The following SLC13A5 variants were observed in gnomAD, a reference collection of about 807,000 sequenced individuals.
The protein encoded by SLC13A5 is solute carrier family 13 member 5.
SLC13A5 carries 25 observed loss-of-function variants against 56.5 expected under a neutral mutation model. That is an observed-to-expected ratio of 0.44 (90% CI 0.32 to 0.62). The LOEUF is 0.62. SLC13A5 is among the 20% of genes least tolerant of loss of function. SLC13A5 has a pLI of 0.04. For synonymous variants in SLC13A5, 307 were observed against 301.5 expected (o/e 1.02, Z -0.19); for missense variants, 649 against 737.8 (o/e 0.88, Z 1.39).
intron 3 of SLC13A5, among the ~76,000 whole-genome samples, chr17:6,705,885 A>G (rs1354979167): frequency 6.6e-6 from 1 of 152,200 alleles, no homozygotes; most frequent in East Asian, 1.9e-4. Flanking sequence ...GCTGGGTCCA[A>G]TCCCCGTGTG....
Position 6,685,894 on chromosome 17 carries a change from G to A in SLC13A5, c.*313C>T. The A allele has an allele frequency of 2.8e-6, 1 of 356,196 alleles. No homozygotes were observed. The highest frequency in any genetic ancestry group is 5.6e-5 in the East Asian group (1 of 17,962). The allele number at this position is 356,196 out of a possible 1,614,324, so 22.1% of individuals were successfully genotyped here. A position where few individuals can be genotyped will look rare whatever the true frequency, so the allele number is the denominator to read the frequency against. ...TGTGGGGGATGCTTGAGGCAGAGCG[G>A]GTACAGCAGCCTGCATCCTGATCCC... is the stretch of plus-strand genomic sequence containing the variant. On this transcript the variant is annotated 3_prime_UTR_variant, in exon 12 of 12. Coordinates refer to ENST00000433363, the MANE Select transcript of SLC13A5 (RefSeq NM_177550.5). The surrounding 1 kb of genome is among the most constrained non-coding windows in gnomAD (Gnocchi z 4.2).
intron 11 of SLC13A5, chr17:6,686,853 CT>C (rs936713979): frequency 2.1e-4 from 32 of 156,032 alleles, no homozygotes; most frequent in African/African-American, 4.6e-4. Context: ...TGGGACCCAC[CT>C]TTTTTTTTGA....
intron 3 of SLC13A5, chr17:6,704,969 A>C (rs1003732285): frequency 6.6e-6 from 1 of 152,314 alleles, no homozygotes; most frequent in African/African-American, 2.4e-5. Flanking sequence ...TACATGCCCC[A>C]GCTGTCCAAG....
chr17:6,700,971 G>A (rs778434356), intron 6 of SLC13A5, 33 bp downstream of exon 6: 10 of 1,612,890 alleles, frequency 6.2e-6, no homozygotes, highest in Non-Finnish European at 8.5e-6. Flanking sequence ...GGCATAATTA[G>A]GCATAATTAG....
rs540607830 is a variant in SLC13A5 at position 6,692,925 on chromosome 17, T to C, written c.1275+119A>G. The C allele has an allele frequency of 6.1e-5, 47 of 770,022 alleles. No individual in the cohort carries two copies. In the African/African-American group the frequency reaches 7.9e-4, roughly 13 times the overall value. The allele number at this position is 770,022 out of a possible 1,614,324, so 47.7% of individuals were successfully genotyped here. A position where few individuals can be genotyped will look rare whatever the true frequency, so the allele number is the denominator to read the frequency against. ...ACAGAGTCCATGTCCTCAAGGAATG[T>C]GCGGTTATACGAAGGATGCAGGCAC... On this transcript the variant is annotated intron_variant, in intron 9 of 11. Coordinates refer to ENST00000433363, the MANE Select transcript of SLC13A5 (RefSeq NM_177550.5). This position sits in a 1 kb window ranked among gnomAD's most constrained non-coding sequence, Gnocchi z 5.5.
At chr17:6,710,068 T>C (rs1166730264) in intron 1 of SLC13A5, among the ~76,000 whole-genome samples, 2 of 152,144 alleles carry the variant, frequency 1.3e-5, no homozygotes, top group African/African-American at 4.8e-5. Flanking sequence ...AACAGCAGCG[T>C]GACTGGAAGC....
In SLC13A5 at chr17:6,701,239, C is replaced by G. The variant is rs1384985399; in HGVS notation, c.717-113G>C. 3 of 1,438,474 alleles carry G rather than the reference C, an allele frequency of 2.1e-6. No individual in the cohort carries two copies. The highest frequency in any genetic ancestry group is 2.8e-6 in the Non-Finnish European group (3 of 1,063,038). The allele number at this position is 1,438,474 out of a possible 1,614,324, so 89.1% of individuals were successfully genotyped here. On this transcript the variant is annotated intron_variant, in intron 5 of 11. Transcript: ENST00000433363. This position sits in a 1 kb window ranked among gnomAD's most constrained non-coding sequence, Gnocchi z 4.1. ...CCTGAGAGGCGCGCCTGTGTGGAGG[C>G]CACATCCTCCTGAGGTCTAGCCACC...
chr17:6,688,490 C>T (rs181350965), intron 10 of SLC13A5: 7 of 152,214 alleles, frequency 4.6e-5, no homozygotes, highest in African/African-American at 1.2e-4. Flanking sequence ...GATGAATGGC[C>T]GGGCGCAGTG....
Position 6,713,334 on chromosome 17 carries a change from C to T in SLC13A5, c.-1G>A, listed in dbSNP as rs776138233. Reference sequence around the variant, plus strand: ...AGACATAGCTCAGCGCCGAGGCCATCGCGCGGGAGGGAGACTGGCGGGCGA... The same window carrying T: ...AGACATAGCTCAGCGCCGAGGCCATTGCGCGGGAGGGAGACTGGCGGGCGA... On this transcript the variant is annotated 5_prime_UTR_variant, in exon 1 of 12. Transcript: ENST00000433363. The surrounding 1 kb of genome is among the most constrained non-coding windows in gnomAD (Gnocchi z 7.3). The T allele has an allele frequency of 1.9e-6, 3 of 1,613,458 alleles. No homozygotes were observed. Among genetic ancestry groups the T allele is most frequent in the Non-Finnish European group, 2.5e-6 (3 of 1,179,686 alleles).
At position 6,701,714 on chromosome 17, in the gene SLC13A5, G is replaced by GA. The variant is rs1427706570; in HGVS notation, c.717-589dup. On this transcript the variant is annotated intron_variant, in intron 5 of 11. Coordinates refer to ENST00000433363, the MANE Select transcript of SLC13A5 (RefSeq NM_177550.5). This position sits in a 1 kb window ranked among gnomAD's most constrained non-coding sequence, Gnocchi z 4.1. ...GACAGAGCGAGACTTGTCTCAAAAAGAAAAAAAAGAAAAATACACCTTTTA... is the reference window on the plus strand; with the variant it reads ...GACAGAGCGAGACTTGTCTCAAAAAGAAAAAAAAAGAAAAATACACCTTTTA... 2.0e-5 allele frequency among the ~76,000 whole-genome samples: 3 copies of GA among 151,534 alleles called. No homozygotes were observed. The highest frequency in any genetic ancestry group is 2.0e-4 in the Admixed American group (3 of 15,242).
Position 6,695,904 on chromosome 17 carries a change from T to C in SLC13A5, c.877A>G (p.Lys293Glu), listed in dbSNP as rs759034052. ...KSWGCGLESK[K>E]NEKAALKVLQ... ...ACCTTGAGGGCAGCCTTCTCGTTTT[T>C]CTTGCTCTCTAGCCCGCAGCCCCAG... The change falls in exon 7 of 12, where the codon AAA becomes GAA. Residue 293 changes from lysine (K) to glutamate (E), a missense_variant. Physicochemically the swap from Lys to Glu is moderately conservative, Grantham distance 56. Transcript: ENST00000433363. 19 of 1,613,988 alleles carry C rather than the reference T, an allele frequency of 1.2e-5. No individual in the cohort carries two copies. The Admixed American group carries it at 3.0e-4, about 25-fold the overall frequency.
chr17:6,694,045 T>G (rs1973489559), intron 8 of SLC13A5, 52 bp downstream of exon 8: 2 of 1,293,182 alleles, frequency 1.5e-6, no homozygotes, highest in Non-Finnish European at 2.2e-6. Flanking sequence ...AGTGACCCTT[T>G]GGTTCCAGGG....
rs1325218620 is a variant in SLC13A5, at chr17:6,711,500, GTGTGTGTA to G, written c.102+1724_102+1731del. On this transcript the variant is annotated intron_variant, in intron 1 of 11. Coordinates refer to ENST00000433363, the MANE Select transcript of SLC13A5 (RefSeq NM_177550.5). This position sits in a 1 kb window ranked among gnomAD's most constrained non-coding sequence, Gnocchi z 4.0. The stretch of plus-strand genomic sequence containing the variant: ...TCCAGTTCAGGGTGTGTGTGTGTGT[GTGTGTGTA>G]TGTGTATGTGTGTGTTTGTGTTTTT... Among the ~76,000 whole-genome samples the G allele has an allele frequency of 5.5e-5, 7 of 126,302 alleles. No homozygotes were observed. Among genetic ancestry groups the G allele is most frequent in the African/African-American group, 2.2e-4 (4 of 18,332 alleles). The allele number at this position is 126,302 out of a possible 152,430, so 82.9% of individuals were successfully genotyped here.
intron 1 of SLC13A5, among the ~76,000 whole-genome samples, chr17:6,708,374 C>G (rs1322248178): frequency 6.6e-6 from 1 of 152,220 alleles, no homozygotes; most frequent in African/African-American, 2.4e-5. Context: ...GTCACTGTTT[C>G]CTCAACTGTC....
intron 8 of SLC13A5, chr17:6,693,389 G>A (rs913747328): frequency 1.5e-4 from 62 of 417,912 alleles, no homozygotes; most frequent in Non-Finnish European, 1.0e-4. Context: ...ACTGCCAATA[G>A]CATCGTAAAT....
Position 6,701,239 on chromosome 17 carries a change from C to T in SLC13A5, c.717-113G>A, listed in dbSNP as rs1384985399. Reference sequence around the variant, plus strand: ...CCTGAGAGGCGCGCCTGTGTGGAGGCCACATCCTCCTGAGGTCTAGCCACC... The same window carrying T: ...CCTGAGAGGCGCGCCTGTGTGGAGGTCACATCCTCCTGAGGTCTAGCCACC... On this transcript the variant is annotated intron_variant, in intron 5 of 11. Coordinates refer to ENST00000433363, the MANE Select transcript of SLC13A5 (RefSeq NM_177550.5). This position sits in a 1 kb window ranked among gnomAD's most constrained non-coding sequence, Gnocchi z 4.1. The T allele has an allele frequency of 1.7e-5, 25 of 1,438,356 alleles. No homozygotes were observed. The highest frequency in any genetic ancestry group is 2.5e-4 in the Middle Eastern group (1 of 4,074). The allele number at this position is 1,438,356 out of a possible 1,614,324, so 89.1% of individuals were successfully genotyped here.
chr17:6,702,515 C>T (rs1973741462), intron 5 of SLC13A5, among the ~76,000 whole-genome samples: 1 of 152,208 alleles, frequency 6.6e-6, no homozygotes, highest in Non-Finnish European at 1.5e-5. Context: ...GGGGCCATCA[C>T]CATTAGCCAC....
At chr17:6,712,217 C>A (rs372181850) in intron 1 of SLC13A5, among the ~76,000 whole-genome samples, 9 of 152,320 alleles carry the variant, frequency 5.9e-5, no homozygotes, top group East Asian at 3.9e-4. Context: ...AGAGCTCCCC[C>A]CCAGAGCATC....
Position 6,701,582 on chromosome 17 carries a change from C to T in SLC13A5, c.717-456G>A, listed in dbSNP as rs1431532065. 6.6e-6 allele frequency among the ~76,000 whole-genome samples: 1 copy of T among 152,090 alleles called. No homozygotes were observed. Among genetic ancestry groups the T allele is most frequent in the Non-Finnish European group, 1.5e-5 (1 of 68,020 alleles). ...AAAATTAACCAGGCATGGTGGCGGGCGCCTGTAATCCCAGCTAATAGGGAG... is the reference window on the plus strand; with the variant it reads ...AAAATTAACCAGGCATGGTGGCGGGTGCCTGTAATCCCAGCTAATAGGGAG... On this transcript the variant is annotated intron_variant, in intron 5 of 11. Transcript: ENST00000433363. The surrounding 1 kb of genome is among the most constrained non-coding windows in gnomAD (Gnocchi z 4.1).
Sources: allele counts gnomAD v4.1 joint callset (sites outside exome capture counted in the v4.1 genomes callset), GRCh38; gene constraint gnomAD v4.1.1; non-coding constraint Gnocchi (gnomAD v3.1); transcripts MANE v1.5; gene names NCBI Gene and HGNC (gene_info 2026-07-23, HGNC 2026-07-21).